Variants in TAS2R1 observed in about 807,000 individuals in gnomAD.
TAS2R1 encodes the protein taste 2 receptor member 1, also known as taste receptor type 2 member 1.
For synonymous variants in TAS2R1, 141 were observed against 134.2 expected (o/e 1.05, Z -0.35); for missense variants, 370 against 353.4 (o/e 1.05, Z -0.38).
chr5:9,810,914 T>C, the TAS2R1 span, among the ~76,000 whole-genome samples: 1 of 152,174 alleles, frequency 6.6e-6, no homozygotes, highest in Non-Finnish European at 1.5e-5. Context: ...TATCTGTCTA[T>C]ACCAGCACTT....
chr5:9,701,221 G>GACACACACACAC (rs34248017), intron 1 of TAS2R1, among the ~76,000 whole-genome samples: 7 of 135,956 alleles, frequency 5.1e-5, no homozygotes, highest in African/African-American at 1.1e-4. Context: ...CAGACACGCA[G>GACACACACACAC]ACACACACAC....
chr5:9,818,983 A>T, the TAS2R1 span, among the ~76,000 whole-genome samples: 2 of 152,218 alleles, frequency 1.3e-5, no homozygotes, highest in Non-Finnish European at 2.9e-5. Context: ...AATGACTTCG[A>T]AGCCATGTAT....
intron 1 of TAS2R1, among the ~76,000 whole-genome samples, chr5:9,706,280 A>G (rs1028971580): frequency 2.6e-5 from 4 of 152,182 alleles, no homozygotes; most frequent in Non-Finnish European, 5.9e-5. Flanking sequence ...GAAGGGAGGA[A>G]GTAGAGCCCT....
rs553807190 is a variant in TAS2R1, at chr5:9,677,433, AAAGAC to A, written c.-241-17857_-241-17853del. 7.8e-3 allele frequency among the ~76,000 whole-genome samples: 1,068 copies of A among 136,360 alleles called. 10 individuals are homozygous for A. Among genetic ancestry groups the A allele is most frequent in the African/African-American group, 0.027 (999 of 37,382 alleles). The allele number at this position is 136,360 out of a possible 152,430, so 89.5% of individuals were successfully genotyped here. A position where few individuals can be genotyped will look rare whatever the true frequency, so the allele number is the denominator to read the frequency against. ...AATAAAGTTACAAAAAAGAGAACCA[AAAGAC>A]AAGACAGAATTAAAAAAAAAAAATT... On this transcript the variant is annotated intron_variant, in intron 1 of 2. Coordinates refer to the TAS2R1 transcript ENST00000506620.
At chr5:9,729,674 G>A in the TAS2R1 span, among the ~76,000 whole-genome samples, 36,165 of 152,020 alleles carry the variant, frequency 0.24, 5,275 homozygotes, top group African/African-American at 0.42. Flanking sequence ...GCGTAAAACC[G>A]GAGGCAGCAC....
chr5:9,665,342 AT>A (rs761550595), intron 1 of TAS2R1, among the ~76,000 whole-genome samples: 5 of 152,214 alleles, frequency 3.3e-5, no homozygotes, highest in Non-Finnish European at 5.9e-5. Context: ...AAATCAACTG[AT>A]TAGTAGCCCT....
the TAS2R1 span, among the ~76,000 whole-genome samples, chr5:9,887,762 G>A: frequency 6.6e-6 from 1 of 152,216 alleles, no homozygotes; most frequent in Non-Finnish European, 1.5e-5. Flanking sequence ...CAATGAACAA[G>A]TGCAATCTGT....
chr5:9,730,613 G>T, the TAS2R1 span, among the ~76,000 whole-genome samples: 10 of 152,122 alleles, frequency 6.6e-5, 1 homozygote, highest in African/African-American at 2.4e-4. Flanking sequence ...AGACACTTAG[G>T]GGGTCTCTGC....
At chr5:9,802,225 G>C in the TAS2R1 span, among the ~76,000 whole-genome samples, 2 of 152,152 alleles carry the variant, frequency 1.3e-5, no homozygotes, top group African/African-American at 2.4e-5. Context: ...CCATGGCTGA[G>C]AGATCTGAAG....
At chr5:9,893,781 G>C in the TAS2R1 span, among the ~76,000 whole-genome samples, 1 of 151,114 alleles carries the variant, frequency 6.6e-6, no homozygotes, top group East Asian at 1.9e-4. Flanking sequence ...CTTGTGATCT[G>C]TCTACTGAAT....
At chr5:9,804,323 C>T in the TAS2R1 span, among the ~76,000 whole-genome samples, 1 of 152,068 alleles carries the variant, frequency 6.6e-6, no homozygotes, top group Non-Finnish European at 1.5e-5. Context: ...ACTGACAGCA[C>T]CAGATGGGTC....
upstream of TAS2R1, among the ~76,000 whole-genome samples, chr5:9,715,201 G>A (rs1416143679): frequency 6.6e-6 from 1 of 152,256 alleles, no homozygotes; most frequent in Non-Finnish European, 1.5e-5. Context: ...GTGTGTGTGT[G>A]TCTAGGAATT....
intron 1 of TAS2R1, among the ~76,000 whole-genome samples, chr5:9,697,179 A>T (rs948158224): frequency 2.0e-5 from 3 of 150,278 alleles, no homozygotes; most frequent in African/African-American, 5.0e-5. Flanking sequence ...TTTTTTGTTT[A>T]AAAAAAAAGA....
At chr5:9,855,548 G>GTT in the TAS2R1 span, among the ~76,000 whole-genome samples, 1 of 152,164 alleles carries the variant, frequency 6.6e-6, no homozygotes, top group Non-Finnish European at 1.5e-5. Context: ...AAAGAACAGC[G>GTT]TATCAGTCAC....
At chr5:9,892,745 C>T in the TAS2R1 span, among the ~76,000 whole-genome samples, 6 of 152,150 alleles carry the variant, frequency 3.9e-5, no homozygotes, top group Non-Finnish European at 4.4e-5. Context: ...TTGGAACTTC[C>T]CCTCCCTGAA....
the TAS2R1 span, among the ~76,000 whole-genome samples, chr5:9,854,157 G>A: frequency 2.0e-5 from 3 of 152,128 alleles, no homozygotes; most frequent in Non-Finnish European, 4.4e-5. Context: ...AGGTTTGCTC[G>A]CTGGGATCTT....
chr5:9,706,119 A>G (rs1741604957), intron 1 of TAS2R1, among the ~76,000 whole-genome samples: 1 of 152,272 alleles, frequency 6.6e-6, no homozygotes, highest in Non-Finnish European at 1.5e-5. Context: ...ACTGAGGGAC[A>G]GAAGATGGGT....
At chr5:9,719,223 T>C in the TAS2R1 span, among the ~76,000 whole-genome samples, 3 of 152,082 alleles carry the variant, frequency 2.0e-5, no homozygotes, top group Non-Finnish European at 4.4e-5. Context: ...CTGCAAATGA[T>C]TCGAAAAAAA....
the TAS2R1 span, among the ~76,000 whole-genome samples, chr5:9,828,135 TA>T: frequency 2.0e-5 from 3 of 152,000 alleles, no homozygotes; most frequent in Admixed American, 1.3e-4. Context: ...TTTATTTATT[TA>T]TTTTTTGAGA....
Sources: allele counts gnomAD v4.1 joint callset (sites outside exome capture counted in the v4.1 genomes callset), GRCh38; gene constraint gnomAD v4.1.1; transcripts MANE v1.5; gene names NCBI Gene and HGNC (gene_info 2026-07-23, HGNC 2026-07-21).